The following SLIT1 variants were observed in gnomAD, a reference collection of about 807,000 sequenced individuals.
SLIT1 encodes slit guidance ligand 1.
A neutral mutation model predicts 186.1 loss-of-function variants in SLIT1; 66 were observed. The observed-to-expected ratio is 0.35, with a 90% CI of 0.29 to 0.44. SLIT1 has a LOEUF of 0.44. SLIT1 is among the 20% of genes least tolerant of loss of function. The probability of loss-of-function intolerance (pLI) is 1.00; values close to 1 mark genes in which losing one functional copy is unlikely to be tolerated. For missense variants in SLIT1, 1,638 were observed against 2,037.4 expected, an observed-to-expected ratio of 0.80 and a Z score of 3.77; for synonymous variants, 761 against 833.8, an observed-to-expected ratio of 0.91 and a Z score of 1.50.
intron 25 of SLIT1, among the ~76,000 whole-genome samples, chr10:97,023,601 CAT>C (rs1422800783): frequency 2.0e-5 from 3 of 152,168 alleles, no homozygotes; most frequent in African/African-American, 7.2e-5. Flanking sequence ...CACTAAACCA[CAT>C]GAGAGACTTA....
intron 1 of SLIT1, among the ~76,000 whole-genome samples, chr10:97,180,295 C>G (rs1850317645): frequency 6.6e-6 from 1 of 152,264 alleles, no homozygotes; most frequent in Non-Finnish European, 1.5e-5. Context: ...GCAAAGCGCT[C>G]CTGCGAGCAT....
chr10:97,134,773 T>C (rs1849686260), intron 4 of SLIT1, among the ~76,000 whole-genome samples: 1 of 152,210 alleles, frequency 6.6e-6, no homozygotes, highest in Non-Finnish European at 1.5e-5. Flanking sequence ...TCTTCCCCTT[T>C]GATTTTTTGG....
chr10:97,169,129 C>T (rs980875983), intron 1 of SLIT1, among the ~76,000 whole-genome samples: 5 of 152,132 alleles, frequency 3.3e-5, no homozygotes, highest in African/African-American at 7.2e-5. Flanking sequence ...AAGACAATGG[C>T]GCAGACAGCA....
intron 9 of SLIT1, 28 bp from the exon 10 acceptor site, chr10:97,060,186 C>T (rs755131409): frequency 1.9e-6 from 3 of 1,598,222 alleles, no homozygotes; most frequent in Middle Eastern, 1.7e-4. Context: ...AGGGGAAGCC[C>T]AAGGGCCCAG....
At chr10:97,050,809 T>C (rs1470821156) in intron 13 of SLIT1, among the ~76,000 whole-genome samples, 1 of 152,184 alleles carries the variant, frequency 6.6e-6, no homozygotes, top group East Asian at 1.9e-4. Flanking sequence ...ACTCAAGGTG[T>C]GTGGTGTAGA....
At chr10:97,061,341 G>A (rs1848892262) in intron 8 of SLIT1, among the ~76,000 whole-genome samples, 1 of 152,222 alleles carries the variant, frequency 6.6e-6, no homozygotes, top group Non-Finnish European at 1.5e-5. Context: ...CCCAGTGTCT[G>A]AAATAAGAGC....
chr10:97,004,329 A>C lies in SLIT1; in HGVS notation c.3711-107T>G. On this transcript the variant is annotated intron_variant, in intron 33 of 36. Coordinates refer to ENST00000266058, the MANE Select transcript of SLIT1 (RefSeq NM_003061.3). This position sits in a 1 kb window ranked among gnomAD's most constrained non-coding sequence, Gnocchi z 5.1. ...CAGTAGCTGCTTCCCAGGAGACCAAATATCTAAGGAAAAGGACTGTGGGGG... is the reference window on the plus strand; with the variant it reads ...CAGTAGCTGCTTCCCAGGAGACCAACTATCTAAGGAAAAGGACTGTGGGGG... 1 of 1,131,560 alleles carries C rather than the reference A, an allele frequency of 8.8e-7. No homozygotes were observed. Among genetic ancestry groups the C allele is most frequent in the South Asian group, 1.5e-5 (1 of 66,954 alleles). The allele number at this position is 1,131,560 out of a possible 1,614,324, so 70.1% of individuals were successfully genotyped here.
At position 96,999,505 on chromosome 10, in the gene SLIT1, A is replaced by G. The variant is rs1039403369; in HGVS notation, c.*1607T>C. ...ACCCAGCCATGCCTCCTGGTCACAGATGGAGGGAGCCAGGGCAGGGACATG... is the reference window on the plus strand; with the variant it reads ...ACCCAGCCATGCCTCCTGGTCACAGGTGGAGGGAGCCAGGGCAGGGACATG... On this transcript the variant is annotated 3_prime_UTR_variant, in exon 37 of 37. Coordinates refer to ENST00000266058, the MANE Select transcript of SLIT1 (RefSeq NM_003061.3). 1 of 152,352 alleles carries G rather than the reference A, an allele frequency of 6.6e-6. No homozygotes were observed. Among genetic ancestry groups the G allele is most frequent in the South Asian group, 2.1e-4 (1 of 4,830 alleles). The allele number at this position is 152,352 out of a possible 1,614,324, so 9.4% of individuals were successfully genotyped here.
intron 3 of SLIT1, 63 bp downstream of exon 3, chr10:97,163,317 G>T: frequency 7.1e-7 from 1 of 1,413,646 alleles, no homozygotes; most frequent in Non-Finnish European, 1.0e-6. Flanking sequence ...CAGCAGCTTG[G>T]CCTGCCAGTT....
At chr10:97,119,926 T>TATATATATATAC (rs1554852192) in intron 4 of SLIT1, among the ~76,000 whole-genome samples, 1 of 128,408 alleles carries the variant, frequency 7.8e-6, no homozygotes, top group Non-Finnish European at 1.7e-5. Context: ...TATATATATA[T>TATATATATATAC]ATATATATAT....
intron 3 of SLIT1, among the ~76,000 whole-genome samples, chr10:97,160,976 T>C (rs1850017687): frequency 6.6e-6 from 1 of 152,128 alleles, no homozygotes; most frequent in South Asian, 2.1e-4. Flanking sequence ...CCCCACCACC[T>C]GGCCTCCCAA....
chr10:97,048,101 C>T (rs1848751000), intron 14 of SLIT1, 105 bp from the exon 15 acceptor site: 2 of 1,234,006 alleles, frequency 1.6e-6, no homozygotes, highest in Admixed American at 3.4e-5. Context: ...CCAGACAGGG[C>T]TGAGGAGCCC....
In SLIT1 at chr10:97,042,975, C is replaced by T; in HGVS notation, c.2090G>A (p.Arg697Gln). 2 of 1,614,266 alleles carry T rather than the reference C, an allele frequency of 1.2e-6. No homozygotes were observed. Among genetic ancestry groups the T allele is most frequent in the Non-Finnish European group, 1.7e-6 (2 of 1,180,052 alleles). The change falls in exon 20 of 37, where the codon CGA becomes CAA. Residue 697 changes from arginine (R) to glutamine (Q), a missense_variant. Physicochemically the swap from Arg to Gln is conservative, Grantham distance 43. Coordinates refer to ENST00000266058, the MANE Select transcript of SLIT1 (RefSeq NM_003061.3). Reference protein sequence around the residue: ...RKRKIVTGNPRCQNPDFLRQI... With the variant: ...RKRKIVTGNPQCQNPDFLRQI... ...CCGCAAAAAGTCAGGGTTCTGGCAT[C>T]GCGGGTTCCCCGTCACGATCTTGCG...
chr10:97,102,984 A>G (rs2279508), intron 4 of SLIT1: 43,561 of 152,142 alleles, frequency 0.29, 6,884 homozygotes, highest in African/African-American at 0.43. Flanking sequence ...CACAGGGGGA[A>G]GCTAACTGCT....
chr10:97,044,688 A>G (rs1848720158), intron 18 of SLIT1, among the ~76,000 whole-genome samples: 1 of 152,150 alleles, frequency 6.6e-6, no homozygotes, highest in Admixed American at 6.5e-5. Flanking sequence ...CTGGCAGGAG[A>G]TGCCTTTATA....
chr10:97,029,627 A>T (rs574180119), intron 25 of SLIT1, among the ~76,000 whole-genome samples: 27 of 152,238 alleles, frequency 1.8e-4, no homozygotes, highest in African/African-American at 6.0e-4. Flanking sequence ...TATATGGCAA[A>T]ATATATATAT....
At chr10:97,086,805 C>T (rs1030304534) in intron 4 of SLIT1, among the ~76,000 whole-genome samples, 2 of 152,142 alleles carry the variant, frequency 1.3e-5, no homozygotes, top group African/African-American at 4.8e-5. Flanking sequence ...AGGGGAACCA[C>T]TCTGTGTGAT....
chr10:97,176,228 T>C (rs370385739), intron 1 of SLIT1, among the ~76,000 whole-genome samples: 187 of 152,190 alleles, frequency 1.2e-3, no homozygotes, highest in African/African-American at 4.1e-3. Context: ...GAGTAATACC[T>C]TCCTCCCAGG....
At chr10:97,125,548 A>C (rs990381986) in intron 4 of SLIT1, among the ~76,000 whole-genome samples, 20 of 151,456 alleles carry the variant, frequency 1.3e-4, no homozygotes, top group South Asian at 2.1e-4. Context: ...AAAAAAAAAA[A>C]AAAAAGTAGG....
Sources: gnomAD v4.1 joint callset for allele counts (sites outside exome capture counted in the v4.1 genomes callset) on GRCh38, gnomAD v4.1.1 for gene constraint, Gnocchi (gnomAD v3.1) non-coding constraint, MANE v1.5 for transcripts, NCBI Gene and HGNC (gene_info 2026-07-23, HGNC 2026-07-21) for gene names.